Variants in APOLD1 observed in about 807,000 individuals in gnomAD.
APOLD1 encodes the protein apolipoprotein L domain containing 1, also known as apolipoprotein L domain-containing protein 1.
APOLD1 carries 22 observed loss-of-function variants against 15.3 expected under a neutral mutation model. The ratio of observed to expected loss-of-function variants is 1.44; its 90% CI spans 1.03 to 2.05. The LOEUF (loss-of-function observed/expected upper bound fraction) is 2.05. Among genes scored for constraint, APOLD1 ranks in the 30% most tolerant of loss-of-function variants. The pLI, the probability that APOLD1 is intolerant of heterozygous loss-of-function variation, is 0.00. For synonymous variants in APOLD1, 190 were observed against 167.4 expected (o/e 1.13, Z -1.04); for missense variants, 394 against 353.5 (o/e 1.11, Z -0.92).
intron 1 of APOLD1, among the ~76,000 whole-genome samples, chr12:12,763,821 T>C (rs867137485): frequency 5.9e-5 from 9 of 152,164 alleles, no homozygotes; most frequent in Non-Finnish European, 1.3e-4. Context: ...GTTATATAAA[T>C]GGTTGTTATA....
intron 1 of APOLD1, among the ~76,000 whole-genome samples, chr12:12,735,050 C>T (rs1946673609): frequency 6.6e-6 from 1 of 152,136 alleles, no homozygotes; most frequent in South Asian, 2.1e-4. Flanking sequence ...AATCGAAACT[C>T]TTTCCCCAAG....
intron 1 of APOLD1, among the ~76,000 whole-genome samples, chr12:12,774,546 C>CAAAAAAAAAAAA (rs57343706): frequency 3.5e-4 from 15 of 42,290 alleles, no homozygotes; most frequent in African/African-American, 5.3e-4. Context: ...ACTCTAACTC[C>CAAAAAAAAAAAA]AAAAAAAAAA....
In APOLD1 at chr12:12,733,065, G is replaced by T. The variant is rs372008364; in HGVS notation, c.96+6969G>T. ...AGGGTGGCTCATGCCTGTAATCCCA[G>T]CACTTTGGGAGACCGAGAGAGGCAG... On this transcript the variant is annotated intron_variant, in intron 1 of 1. Transcript: ENST00000326765. Among the ~76,000 whole-genome samples, 5 of 151,858 alleles carry T rather than the reference G, an allele frequency of 3.3e-5. No individual in the cohort carries two copies. The East Asian group carries it at 9.7e-4, about 29-fold the overall frequency.
At position 12,744,406 on chromosome 12, in the gene APOLD1, C is replaced by T. The variant is rs186687855; in HGVS notation, c.96+18310C>T. ...GGCAGATCACCTGAGGTCAGGAGTT[C>T]GAGACCAGCCTGGCTAACATGGTGA... On this transcript the variant is annotated intron_variant, in intron 1 of 1. Transcript: ENST00000326765. Among the ~76,000 whole-genome samples the T allele has an allele frequency of 3.7e-3, 566 of 151,014 alleles. 2 individuals are homozygous for T. The highest frequency in any genetic ancestry group is 0.013 in the African/African-American group (527 of 41,078).
chr12:12,749,747 C>T (rs1946794843), intron 1 of APOLD1, among the ~76,000 whole-genome samples: 1 of 152,168 alleles, frequency 6.6e-6, no homozygotes, highest in Non-Finnish European at 1.5e-5. Context: ...ATTCTGTAAC[C>T]CGGGTTTTTG....
At chr12:12,770,608 A>T (rs1405706590) in intron 1 of APOLD1, among the ~76,000 whole-genome samples, 2 of 151,446 alleles carry the variant, frequency 1.3e-5, no homozygotes, top group East Asian at 3.9e-4. Context: ...ATATCCAGGA[A>T]CTGTAGGACA....
At chr12:12,732,741 AAAAAG>A (rs1425363307) in intron 1 of APOLD1, among the ~76,000 whole-genome samples, 39 of 151,790 alleles carry the variant, frequency 2.6e-4, no homozygotes, top group Non-Finnish European at 4.7e-4. Flanking sequence ...AAAAAAAAAA[AAAAAG>A]AAAAGAAAAA....
chr12:12,745,487 G>A (rs978002533), intron 1 of APOLD1, among the ~76,000 whole-genome samples: 1 of 152,072 alleles, frequency 6.6e-6, no homozygotes, highest in South Asian at 2.1e-4. Flanking sequence ...CCAATATCGT[G>A]CCACTGCGCT....
upstream of APOLD1, among the ~76,000 whole-genome samples, chr12:12,784,141 T>C (rs1196655245): frequency 6.6e-6 from 1 of 152,226 alleles, no homozygotes; most frequent in Non-Finnish European, 1.5e-5. Context: ...TACTATGATA[T>C]TGATGCTCTG....
intron 1 of APOLD1, among the ~76,000 whole-genome samples, chr12:12,769,227 T>TAAAAAAAAAAA (rs35276279): frequency 1.6e-5 from 1 of 61,762 alleles, no homozygotes; most frequent in Non-Finnish European, 3.2e-5. Context: ...GACCTCCAGC[T>TAAAAAAAAAAA]AAAAAAAAAA....
chr12:12,728,335 CAGACTT>C (rs978586391), intron 1 of APOLD1, among the ~76,000 whole-genome samples: 8 of 152,038 alleles, frequency 5.3e-5, no homozygotes, highest in African/African-American at 1.9e-4. Flanking sequence ...CTGATGAACT[CAGACTT>C]GGTCACCACA....
intron 1 of APOLD1, among the ~76,000 whole-genome samples, chr12:12,747,696 T>C (rs1161580031): frequency 6.6e-6 from 1 of 152,228 alleles, no homozygotes; most frequent in Non-Finnish European, 1.5e-5. Context: ...GCTGTAAAAT[T>C]TAAAAAGGAG....
chr12:12,780,857 G>A (rs1013430608), upstream of APOLD1, among the ~76,000 whole-genome samples: 1 of 150,168 alleles, frequency 6.7e-6, no homozygotes, highest in Non-Finnish European at 1.5e-5. Context: ...CCAAAGTGCT[G>A]GGATTGCAGG....
chr12:12,737,643 C>T (rs1323316230), intron 1 of APOLD1, among the ~76,000 whole-genome samples: 1 of 152,166 alleles, frequency 6.6e-6, no homozygotes, highest in African/African-American at 2.4e-5. Context: ...TAAAACAAAT[C>T]TACACTCAAG....
chr12:12,771,395 C>G, intron 1 of APOLD1: 4 of 362,604 alleles, frequency 1.1e-5, no homozygotes, highest in South Asian at 9.0e-5. Context: ...CCATAAGCAG[C>G]AACAAAATCA....
chr12:12,733,221 A>T (rs1263327824), intron 1 of APOLD1, among the ~76,000 whole-genome samples: 1 of 151,946 alleles, frequency 6.6e-6, no homozygotes, highest in Non-Finnish European at 1.5e-5. Context: ...AGCTACTCAG[A>T]AGGTTGAGGT....
intron 1 of APOLD1, among the ~76,000 whole-genome samples, chr12:12,774,654 C>A (rs545449196): frequency 2.0e-5 from 3 of 150,592 alleles, no homozygotes; most frequent in Non-Finnish European, 1.5e-5. Context: ...CCTTAACAGG[C>A]ACCTCACCAA....
chr12:12,728,665 C>CAAA (rs58877184), intron 1 of APOLD1, among the ~76,000 whole-genome samples: 5,520 of 62,492 alleles, frequency 0.088, 734 homozygotes, highest in African/African-American at 0.13. Context: ...GACCCTGTCT[C>CAAA]AAAAAAAAAA....
chr12:12,761,016 C>G (rs1232100546), intron 1 of APOLD1, among the ~76,000 whole-genome samples: 1 of 152,176 alleles, frequency 6.6e-6, no homozygotes, highest in African/African-American at 2.4e-5. Flanking sequence ...GATGTTAAAC[C>G]TTATAACCTA....
Sources: allele counts gnomAD v4.1 joint callset (sites outside exome capture counted in the v4.1 genomes callset), GRCh38; gene constraint gnomAD v4.1.1; transcripts MANE v1.5; gene names NCBI Gene and HGNC (gene_info 2026-07-23, HGNC 2026-07-21).